The following CACNA1C variants were observed in gnomAD, a reference collection of about 807,000 sequenced individuals.
CACNA1C encodes voltage-dependent L-type calcium channel subunit alpha-1C.
Under a neutral mutation model 229.0 loss-of-function variants are expected in CACNA1C, and 30 were observed. The ratio of observed to expected loss-of-function variants is 0.13; its 90% CI spans 0.10 to 0.18. The LOEUF (loss-of-function observed/expected upper bound fraction) is 0.18. Among genes scored for constraint, CACNA1C ranks in the 10% least tolerant of loss-of-function variants. CACNA1C has a pLI of 1.00. For synonymous variants in CACNA1C, 1,114 were observed against 1,132.5 expected, an observed-to-expected ratio of 0.98 and a Z score of 0.33; for missense variants, 1,658 against 2,845.0, an observed-to-expected ratio of 0.58 and a Z score of 9.49.
intron 34 of CACNA1C, among the ~76,000 whole-genome samples, chr12:2,656,294 C>A (rs953027720): frequency 3.9e-5 from 6 of 152,156 alleles, no homozygotes; most frequent in African/African-American, 1.4e-4. Context: ...TTTACACTAA[C>A]AATGAACTAT....
chr12:2,627,102 C>G (rs1474120965), intron 29 of CACNA1C, among the ~76,000 whole-genome samples: 1 of 152,130 alleles, frequency 6.6e-6, no homozygotes, highest in African/African-American at 2.4e-5. Context: ...GCACCCAGCC[C>G]CCTGCCCACT....
At chr12:2,150,145 T>C (rs970012934) in intron 3 of CACNA1C, among the ~76,000 whole-genome samples, 1 of 152,134 alleles carries the variant, frequency 6.6e-6, no homozygotes, top group Non-Finnish European at 1.5e-5. Flanking sequence ...TTAGGAACTT[T>C]TCATGTTGGT....
chr12:2,281,697 C>T (rs936729676), intron 3 of CACNA1C, among the ~76,000 whole-genome samples: 2 of 152,168 alleles, frequency 1.3e-5, no homozygotes, highest in Non-Finnish European at 1.5e-5. Context: ...GCCCTGGCTA[C>T]TTCTAACATT....
intron 3 of CACNA1C, among the ~76,000 whole-genome samples, chr12:2,229,247 GAATT>G (rs1202815741): frequency 1.3e-5 from 2 of 152,196 alleles, no homozygotes; most frequent in Non-Finnish European, 2.9e-5. Context: ...CTCATTGAAA[GAATT>G]AATTAGACAC....
Position 2,354,731 on chromosome 12 carries a change from C to T in CACNA1C, c.478-94245C>T, listed in dbSNP as rs148001929. Among the ~76,000 whole-genome samples, 10 of 152,318 alleles carry T rather than the reference C, an allele frequency of 6.6e-5. No individual in the cohort carries two copies. Among genetic ancestry groups the T allele is most frequent in the Non-Finnish European group, 1.3e-4 (9 of 68,032 alleles). On this transcript the variant is annotated intron_variant, in intron 3 of 46. Transcript: ENST00000399655. This position sits in a 1 kb window ranked among gnomAD's most constrained non-coding sequence, Gnocchi z 4.6. ...CATGGCAAGAGAATCCTGCATGTCA[C>T]TTGGGCCTGACACCTGCTTTTGCCT... is the stretch of plus-strand genomic sequence containing the variant.
chr12:2,496,801 G>T (rs1308808842), intron 7 of CACNA1C, among the ~76,000 whole-genome samples: 1 of 152,208 alleles, frequency 6.6e-6, no homozygotes, highest in East Asian at 1.9e-4. Context: ...GAATAAGGAA[G>T]GGTGGATACC....
At chr12:2,380,982 G>A (rs1352847755) in intron 3 of CACNA1C, among the ~76,000 whole-genome samples, 1 of 152,208 alleles carries the variant, frequency 6.6e-6, no homozygotes, top group South Asian at 2.1e-4. Flanking sequence ...TGGGGAGGGG[G>A]ACTGAGGTGT....
chr12:2,211,843 C>T (rs1261835126), intron 3 of CACNA1C, among the ~76,000 whole-genome samples: 6 of 151,780 alleles, frequency 4.0e-5, no homozygotes, highest in Non-Finnish European at 7.4e-5. Context: ...CTCAGCCTCC[C>T]GAGTAGCTGG....
At chr12:2,443,874 TG>T (rs1824737496) in intron 3 of CACNA1C, among the ~76,000 whole-genome samples, 2 of 152,238 alleles carry the variant, frequency 1.3e-5, no homozygotes, top group African/African-American at 2.4e-5. Context: ...TGTTTTTTGT[TG>T]TTTTTTTTAA....
chr12:2,128,451 C>T (rs536022852), intron 3 of CACNA1C, among the ~76,000 whole-genome samples: 1 of 152,250 alleles, frequency 6.6e-6, no homozygotes, highest in East Asian at 1.9e-4. Flanking sequence ...CTCTCTGTCG[C>T]CCAGGCTGGA....
chr12:2,161,448 G>A (rs886723380), intron 3 of CACNA1C, among the ~76,000 whole-genome samples: 2 of 152,154 alleles, frequency 1.3e-5, no homozygotes, highest in Non-Finnish European at 2.9e-5. Flanking sequence ...TTTGCTGAGG[G>A]CTGGTGGAGG....
At chr12:2,070,201 A>G (rs2060694629) in intron 1 of CACNA1C, among the ~76,000 whole-genome samples, 1 of 152,216 alleles carries the variant, frequency 6.6e-6, no homozygotes, top group Non-Finnish European at 1.5e-5. Context: ...GACTTCAAAA[A>G]TAGTACCAGA....
At chr12:2,128,132 A>G (rs894830968) in intron 3 of CACNA1C, among the ~76,000 whole-genome samples, 1 of 152,166 alleles carries the variant, frequency 6.6e-6, no homozygotes, top group African/African-American at 2.4e-5. Context: ...TATTTCAGAT[A>G]AGAAAGTAAA....
chr12:1,989,346 AGAGCAGGAGCAG>A (rs370112885), intron 1 of CACNA1C, among the ~76,000 whole-genome samples: 31 of 152,262 alleles, frequency 2.0e-4, no homozygotes, highest in South Asian at 2.1e-4. Context: ...TCTAAAGAGC[AGAGCAGGAGCAG>A]GAGCAGGAGC....
At chr12:2,230,052 T>C (rs935074436) in intron 3 of CACNA1C, among the ~76,000 whole-genome samples, 3 of 152,134 alleles carry the variant, frequency 2.0e-5, no homozygotes, top group African/African-American at 7.2e-5. Context: ...CCGGCAGCGA[T>C]TCCCTCAGGT....
chr12:2,111,831 G>A, intron 1 of CACNA1C, among the ~76,000 whole-genome samples: 1 of 152,200 alleles, frequency 6.6e-6, no homozygotes, highest in Non-Finnish European at 1.5e-5. Flanking sequence ...CTCCAGTACA[G>A]CAGATGGAAA....
At chr12:2,478,248 T>C (rs2099641052) in intron 5 of CACNA1C, among the ~76,000 whole-genome samples, 2 of 152,212 alleles carry the variant, frequency 1.3e-5, no homozygotes, top group Admixed American at 1.3e-4. Context: ...TTCTTAGGAA[T>C]ATTATCACTG....
intron 1 of CACNA1C, among the ~76,000 whole-genome samples, chr12:2,068,826 C>T (rs1313207687): frequency 6.6e-6 from 1 of 152,190 alleles, no homozygotes; most frequent in African/African-American, 2.4e-5. Context: ...CTGACCCCAG[C>T]TTGATCTCTT....
rs1190086816 is a variant in CACNA1C at position 2,630,881 on chromosome 12, C to T, written c.3829-3416C>T. Among the ~76,000 whole-genome samples the T allele has an allele frequency of 6.6e-6, 1 of 152,052 alleles. No homozygotes were observed. The highest frequency in any genetic ancestry group is 1.5e-5 in the Non-Finnish European group (1 of 67,994). On this transcript the variant is annotated intron_variant, in intron 29 of 46. Coordinates refer to ENST00000399655, the MANE Select transcript of CACNA1C (RefSeq NM_000719.7). The surrounding 1 kb of genome is among the most constrained non-coding windows in gnomAD (Gnocchi z 5.4). ...GCACAAGGCCTTAACTCCAACAGAG[C>T]CCAGCCAGTGCCAATCCAGTGAGAG...
Sources: allele counts gnomAD v4.1 joint callset (sites outside exome capture counted in the v4.1 genomes callset), GRCh38; gene constraint gnomAD v4.1.1; non-coding constraint Gnocchi (gnomAD v3.1); transcripts MANE v1.5; gene names NCBI Gene and HGNC (gene_info 2026-07-23, HGNC 2026-07-21).